Variants in TMEM181 observed in about 807,000 individuals in gnomAD.
TMEM181 encodes transmembrane protein 181.
In TMEM181, 39 loss-of-function variants were observed where a neutral mutation model predicts 71.9. That is an observed-to-expected ratio of 0.54 (90% CI 0.42 to 0.71). The LOEUF is 0.71. TMEM181 is among the 30% of genes least tolerant of loss of function. TMEM181 has a pLI of 0.00. For synonymous variants in TMEM181, 245 were observed against 228.8 expected (o/e 1.07, Z -0.64); for missense variants, 595 against 583.0 (o/e 1.02, Z -0.21).
intron 1 of TMEM181, 66 bp downstream of exon 1, chr6:158,560,298 C>T (rs955244409): frequency 8.1e-6 from 8 of 985,238 alleles, no homozygotes; most frequent in Non-Finnish European, 9.6e-6. Context: ...AGTTGGGGAT[C>T]CCTGGCTCCC....
At chr6:158,536,643 A>G (rs776326991) in exon 1 of TMEM181, 1 of 1,462,340 alleles carries the variant, frequency 6.8e-7, no homozygotes, top group South Asian at 1.3e-5. Flanking sequence ...GCGCGCCAGC[A>G]GCCCGATCCC....
rs538295274 is a variant in TMEM181, at chr6:158,589,899, T to A, written c.492+117T>A. 63 of 738,602 alleles carry A rather than the reference T, an allele frequency of 8.5e-5. 1 individual carries two copies. The East Asian group carries it at 1.7e-3, about 20-fold the overall frequency. The allele number at this position is 738,602 out of a possible 1,614,324, so 45.8% of individuals were successfully genotyped here. A position where few individuals can be genotyped will look rare whatever the true frequency, so the allele number is the denominator to read the frequency against. ...AATGTTAATTTGGACAGTGGAGGAC[T>A]TGTAAAGTTTTTAAAAATTATAGGA... is the stretch of plus-strand genomic sequence containing the variant. On this transcript the variant is annotated intron_variant, in intron 6 of 16. Transcript: ENST00000684151.
chr6:158,563,249 T>C (rs1782289275), intron 1 of TMEM181, among the ~76,000 whole-genome samples: 1 of 152,184 alleles, frequency 6.6e-6, no homozygotes, highest in Non-Finnish European at 1.5e-5. Context: ...GTTCAAGCGA[T>C]TCTCCTGCCT....
chr6:158,627,107 T>TCC (rs55880518), intron 13 of TMEM181, among the ~76,000 whole-genome samples: 1 of 145,744 alleles, frequency 6.9e-6, no homozygotes, highest in African/African-American at 2.6e-5. Flanking sequence ...GTTTTCACCC[T>TCC]CTCTCACACC....
At chr6:158,577,267 AAGAT>A (rs150975140) in intron 2 of TMEM181, among the ~76,000 whole-genome samples, 157 of 152,280 alleles carry the variant, frequency 1.0e-3, no homozygotes, top group African/African-American at 3.7e-3. Context: ...TATGAATAAA[AAGAT>A]AGAAAACCTA....
At chr6:158,613,235 T>A (rs1028741191) in intron 10 of TMEM181, among the ~76,000 whole-genome samples, 2 of 152,226 alleles carry the variant, frequency 1.3e-5, no homozygotes, top group African/African-American at 4.8e-5. Flanking sequence ...ACAGGTGTGC[T>A]ATAGTTTTTG....
At chr6:158,559,970 GGGGCCACGAAGGA>G (rs1414251843), upstream of TMEM181, 1 of 772,826 alleles carries the variant, frequency 1.3e-6, no homozygotes, top group Admixed American at 1.4e-4. Flanking sequence ...GCCCCGGCAC[GGGGCCACGAAGGA>G]GGGCCACCCC....
intron 1 of TMEM181, among the ~76,000 whole-genome samples, chr6:158,550,509 A>C (rs1781685346): frequency 6.6e-6 from 1 of 151,782 alleles, no homozygotes; most frequent in African/African-American, 2.4e-5. Flanking sequence ...TAGAAAAATT[A>C]GCTGGGCGTG....
At chr6:158,572,464 C>T (rs532165002) in intron 1 of TMEM181, 221 of 456,742 alleles carry the variant, frequency 4.8e-4, no homozygotes, top group Non-Finnish European at 8.4e-4. Context: ...CCGCACGTCC[C>T]TCTGGTCTGT....
At chr6:158,572,123 C>T (rs1049490281) in intron 1 of TMEM181, among the ~76,000 whole-genome samples, 4 of 152,240 alleles carry the variant, frequency 2.6e-5, no homozygotes, top group African/African-American at 4.8e-5. Flanking sequence ...GCGGGCCTGG[C>T]CTTATCAGAG....
At chr6:158,612,129 C>T (rs1785365928) in intron 10 of TMEM181, among the ~76,000 whole-genome samples, 1 of 152,142 alleles carries the variant, frequency 6.6e-6, no homozygotes, top group African/African-American at 2.4e-5. Context: ...CGGTGGTTAC[C>T]CAAGAGACTT....
At chr6:158,617,056 T>C (rs1208770137) in intron 10 of TMEM181, among the ~76,000 whole-genome samples, 1 of 152,230 alleles carries the variant, frequency 6.6e-6, no homozygotes, top group African/African-American at 2.4e-5. Context: ...TCAGAAAGAA[T>C]AATAGCAACT....
rs201368956 is a variant in TMEM181 at position 158,569,008 on chromosome 6, G to A, written c.9-4412G>A. 7.9e-5 allele frequency among the ~76,000 whole-genome samples: 12 copies of A among 152,140 alleles called. No individual in the cohort carries two copies. The South Asian group carries it at 1.2e-3, about 16-fold the overall frequency. Reference sequence around the variant, plus strand: ...TTTAATTTTTTAGTGACAGGGTCTCGCCCTGTTACCCAGGCTGAGTGCAGT... The same window carrying A: ...TTTAATTTTTTAGTGACAGGGTCTCACCCTGTTACCCAGGCTGAGTGCAGT... On this transcript the variant is annotated intron_variant, in intron 1 of 16. Transcript: ENST00000684151.
chr6:158,546,614 C>A (rs548608190), intron 1 of TMEM181, among the ~76,000 whole-genome samples: 6 of 152,328 alleles, frequency 3.9e-5, no homozygotes, highest in African/African-American at 7.2e-5. Flanking sequence ...ATGCCCTGAA[C>A]TGTGGGTTAT....
intron 10 of TMEM181, among the ~76,000 whole-genome samples, chr6:158,617,128 T>A (rs1040969513): frequency 3.4e-4 from 51 of 152,226 alleles, no homozygotes; most frequent in Non-Finnish European, 7.3e-5. Flanking sequence ...TTTTTTTCGT[T>A]GGTAAGCTAT....
chr6:158,564,451 A>G (rs1782369418), intron 1 of TMEM181, among the ~76,000 whole-genome samples: 1 of 152,230 alleles, frequency 6.6e-6, no homozygotes. Context: ...GGTGCTCAGG[A>G]AATGCCAGCT....
At position 158,595,996 on chromosome 6, in the gene TMEM181, A is replaced by C. The variant is rs906750616; in HGVS notation, c.492+6214A>C. Among the ~76,000 whole-genome samples, 100 of 152,118 alleles carry C rather than the reference A, an allele frequency of 6.6e-4. 1 individual carries two copies. The highest frequency in any genetic ancestry group is 1.1e-3 in the Non-Finnish European group (74 of 67,978). ...GAGTGCAGTGGCGCGATCTCGGCTCACTGCAAGCTCCGCCTCCTGGGTTCA... is the reference window on the plus strand; with the variant it reads ...GAGTGCAGTGGCGCGATCTCGGCTCCCTGCAAGCTCCGCCTCCTGGGTTCA... On this transcript the variant is annotated intron_variant, in intron 6 of 16. Coordinates refer to ENST00000684151, the MANE Select transcript of TMEM181 (RefSeq NM_001376852.1).
intron 1 of TMEM181, chr6:158,572,557 C>G (rs145532217): frequency 8.9e-6 from 4 of 448,620 alleles, no homozygotes; most frequent in Non-Finnish European, 1.8e-5. Flanking sequence ...CATGCTCGTG[C>G]GTCCTGTGCT....
intron 1 of TMEM181, among the ~76,000 whole-genome samples, chr6:158,538,171 T>C (rs1466461805): frequency 1.3e-5 from 2 of 149,970 alleles, no homozygotes; most frequent in African/African-American, 4.9e-5. Flanking sequence ...TATTTATTTA[T>C]TGAGACAGGG....
Sources: allele counts gnomAD v4.1 joint callset (sites outside exome capture counted in the v4.1 genomes callset), GRCh38; gene constraint gnomAD v4.1.1; transcripts MANE v1.5; gene names NCBI Gene and HGNC (gene_info 2026-07-23, HGNC 2026-07-21).